Variants in BRWD1 observed in about 807,000 individuals in gnomAD.
The protein encoded by BRWD1 is bromodomain and WD repeat domain containing 1, also known as bromodomain and WD repeat-containing protein 1.
Under a neutral mutation model 251.2 loss-of-function variants are expected in BRWD1, and 82 were observed. That is an observed-to-expected ratio of 0.33 (90% confidence interval 0.27 to 0.39). The LOEUF is 0.39. Among genes scored for constraint, BRWD1 ranks in the 10% least tolerant of loss-of-function variants. BRWD1 has a pLI of 1.00. For synonymous variants in BRWD1, 918 were observed against 902.8 expected (o/e 1.02, Z -0.30); for missense variants, 2,233 against 2,711.6 (o/e 0.82, Z 3.92).
At chr21:39,185,028 A>G (rs2031133795), downstream of BRWD1, 1 of 152,222 alleles carries the variant, frequency 6.6e-6, no homozygotes. Context: ...ATAGTAATAC[A>G]TTTGGCCATG....
In BRWD1 at chr21:39,199,470, T is replaced by G. The variant is rs771177620; in HGVS notation, c.4946A>C (p.Asn1649Thr). The change falls in exon 40 of 41, where the codon AAT becomes ACT. Residue 1649 changes from asparagine (N) to threonine (T), a missense_variant. Physicochemically the swap from Asn to Thr is moderately conservative, Grantham distance 65. Coordinates refer to ENST00000342449, the MANE Select transcript of BRWD1 (RefSeq NM_033656.4). ...KIKLMSDVEE[N>T]SSSESVCSGR... is the part of the protein sequence containing the mutation. ...AGAACAGACACTTTCAGAGCTAGAA[T>G]TCTCTTCTACATCACTCATTAGCTT... is the stretch of plus-strand genomic sequence containing the variant. 1.2e-6 allele frequency: 2 copies of G among 1,614,194 alleles called. No homozygotes were observed. The highest frequency in any genetic ancestry group is 1.7e-6 in the Non-Finnish European group (2 of 1,180,034).
rs2031737161 is a variant in BRWD1 at position 39,195,003 on chromosome 21, A to G, written c.*1256T>C. The G allele has an allele frequency of 1.4e-6, 2 of 1,424,382 alleles. No homozygotes were observed. Among genetic ancestry groups the G allele is most frequent in the African/African-American group, 1.4e-5 (1 of 69,474 alleles). 88.2% of individuals were successfully genotyped at this position (1,424,382 alleles called of 1,614,324 possible). A position where few individuals can be genotyped will look rare whatever the true frequency, so the allele number is the denominator to read the frequency against. On this transcript the variant is annotated 3_prime_UTR_variant, in exon 41 of 41. Transcript: ENST00000342449. Reference sequence around the variant, plus strand: ...AAACAAGTTAGGAATGGCCATCTACACTGGAGTAGCATAACCTATCAAGTA... The same window carrying G: ...AAACAAGTTAGGAATGGCCATCTACGCTGGAGTAGCATAACCTATCAAGTA...
rs1049395717 is a variant in BRWD1 at position 39,190,654 on chromosome 21, G to T, written c.*5605C>A. 2.0e-6 allele frequency: 2 copies of T among 985,204 alleles called. No individual in the cohort carries two copies. The highest frequency in any genetic ancestry group is 2.4e-6 in the Non-Finnish European group (2 of 829,902). The allele number at this position is 985,204 out of a possible 1,614,324, so 61.0% of individuals were successfully genotyped here. A position where few individuals can be genotyped will look rare whatever the true frequency, so the allele number is the denominator to read the frequency against. Reference sequence around the variant, plus strand: ...CAGAAAGCAAATAACATTTATCAATGATCTTCATCCCTCCCAAAGCAGAAG... The same window carrying T: ...CAGAAAGCAAATAACATTTATCAATTATCTTCATCCCTCCCAAAGCAGAAG... On this transcript the variant is annotated 3_prime_UTR_variant, in exon 41 of 41. Transcript: ENST00000342449.
intron 37 of BRWD1, among the ~76,000 whole-genome samples, chr21:39,203,456 T>G (rs1041893049): frequency 2.1e-5 from 3 of 140,172 alleles, no homozygotes; most frequent in African/African-American, 8.5e-5. Flanking sequence ...TTTTTTTTTT[T>G]TTTTTTGAGA....
intron 4 of BRWD1, among the ~76,000 whole-genome samples, chr21:39,307,497 A>T (rs894005892): frequency 2.6e-5 from 4 of 152,178 alleles, no homozygotes; most frequent in African/African-American, 9.7e-5. Context: ...ATATGTATAT[A>T]TACTTGTGTG....
chr21:39,303,396 G>A (rs936229727), intron 4 of BRWD1, among the ~76,000 whole-genome samples: 7 of 151,470 alleles, frequency 4.6e-5, no homozygotes, highest in Admixed American at 4.0e-4. Context: ...GCAGGTGACT[G>A]TAATCTCAGC....
intron 4 of BRWD1, among the ~76,000 whole-genome samples, chr21:39,300,461 T>C (rs1374819101): frequency 1.3e-5 from 2 of 152,188 alleles, no homozygotes; most frequent in Non-Finnish European, 2.9e-5. Context: ...AGAAATTTCA[T>C]GAGGGCCAAA....
At chr21:39,241,856 T>C (rs887283755) in intron 21 of BRWD1, among the ~76,000 whole-genome samples, 2 of 152,210 alleles carry the variant, frequency 1.3e-5, no homozygotes, top group African/African-American at 4.8e-5. Context: ...TTCATTTTTA[T>C]TGTATCTGTT....
chr21:39,257,936 T>C (rs1329443860), intron 18 of BRWD1, among the ~76,000 whole-genome samples: 1 of 152,194 alleles, frequency 6.6e-6, no homozygotes, highest in Non-Finnish European at 1.5e-5. Context: ...AGTCTTATGC[T>C]GTAAGTTTAA....
intron 21 of BRWD1, among the ~76,000 whole-genome samples, chr21:39,247,157 G>C (rs2034221708): frequency 6.6e-6 from 1 of 152,144 alleles, no homozygotes; most frequent in African/African-American, 2.4e-5. Flanking sequence ...GTGATTGTGA[G>C]GGGCTGGGGG....
chr21:39,240,134 G>A (rs1199947645), intron 21 of BRWD1, among the ~76,000 whole-genome samples: 1 of 152,094 alleles, frequency 6.6e-6, no homozygotes, highest in Non-Finnish European at 1.5e-5. Context: ...ATAAATGAAC[G>A]AAGCCAATCT....
At chr21:39,261,616 T>C (rs983707640) in intron 17 of BRWD1, among the ~76,000 whole-genome samples, 2 of 152,094 alleles carry the variant, frequency 1.3e-5, no homozygotes, top group African/African-American at 4.8e-5. Flanking sequence ...CCTTGCAGAC[T>C]CCATGAAAGG....
intron 4 of BRWD1, among the ~76,000 whole-genome samples, chr21:39,307,692 A>G (rs1271859801): frequency 6.6e-6 from 1 of 152,186 alleles, no homozygotes; most frequent in East Asian, 1.9e-4. Flanking sequence ...CAGATACTTT[A>G]AGTCTTAGGC....
At chr21:39,215,002 C>T (rs1255516881) in intron 32 of BRWD1, among the ~76,000 whole-genome samples, 1 of 151,500 alleles carries the variant, frequency 6.6e-6, no homozygotes, top group Non-Finnish European at 1.5e-5. Context: ...AGCAATTCTC[C>T]CACCTCAGCC....
At chr21:39,220,332 C>T (rs1289516091) in intron 29 of BRWD1, among the ~76,000 whole-genome samples, 1 of 152,214 alleles carries the variant, frequency 6.6e-6, no homozygotes, top group Non-Finnish European at 1.5e-5. Flanking sequence ...TTCCCTCAGC[C>T]AGACTGAAAA....
At chr21:39,298,286 T>A in intron 5 of BRWD1, 146 bp downstream of exon 5, 6 of 1,322,248 alleles carry the variant, frequency 4.5e-6, no homozygotes, top group Non-Finnish European at 5.8e-6. Flanking sequence ...TTCAATGTTC[T>A]ATGCTAAATG....
chr21:39,208,047 GA>G (rs911622355), intron 36 of BRWD1, among the ~76,000 whole-genome samples: 12 of 152,136 alleles, frequency 7.9e-5, no homozygotes, highest in East Asian at 1.9e-4. Context: ...GTGGAATGAT[GA>G]AAAGGTTTTA....
rs1445472093 is a variant in BRWD1, at chr21:39,248,661, A to C, written c.2350-829T>G. ...TCTCCCAAAAAAAAAAAAAAAAAAA[A>C]AAAAAAAAAAAAAAAAAAAACACTG... is the stretch of plus-strand genomic sequence containing the variant. On this transcript the variant is annotated intron_variant, in intron 20 of 40. Transcript: ENST00000342449. Among the ~76,000 whole-genome samples the C allele has an allele frequency of 4.1e-3, 596 of 144,758 alleles. 29 individuals carry two copies. Among genetic ancestry groups the C allele is most frequent in the African/African-American group, 0.012 (446 of 38,258 alleles). The allele number at this position is 144,758 out of a possible 152,430, so 95.0% of individuals were successfully genotyped here.
chr21:39,191,446 A>C lies in BRWD1; in HGVS notation c.*4813T>G, dbSNP rs1254581733. On this transcript the variant is annotated 3_prime_UTR_variant, in exon 41 of 41. Transcript: ENST00000342449. ...TTTGCTTGTTAAGATGAAAATGCTA[A>C]ATTTATTATATCCCATTTAAGAACT... 2 of 983,474 alleles carry C rather than the reference A, an allele frequency of 2.0e-6. No individual in the cohort carries two copies. Among genetic ancestry groups the C allele is most frequent in the Non-Finnish European group, 2.4e-6 (2 of 828,358 alleles). 60.9% of individuals were successfully genotyped at this position (983,474 alleles called of 1,614,324 possible).
Sources: gnomAD v4.1 joint callset for allele counts (sites outside exome capture counted in the v4.1 genomes callset) on GRCh38, gnomAD v4.1.1 for gene constraint, MANE v1.5 for transcripts, NCBI Gene and HGNC (gene_info 2026-07-23, HGNC 2026-07-21) for gene names.